The following DHRS12 variants were observed in gnomAD, a reference collection of about 807,000 sequenced individuals.
DHRS12 encodes dehydrogenase/reductase 12.
DHRS12 carries 29 observed loss-of-function variants against 32.1 expected under a neutral mutation model. That is an observed-to-expected ratio of 0.90 (90% CI 0.67 to 1.23). The LOEUF is 1.23. Among genes scored for constraint, DHRS12 ranks in the 50% most tolerant of loss-of-function variants. The pLI is 0.00. For synonymous variants in DHRS12, 150 were observed against 135.9 expected, an observed-to-expected ratio of 1.10 and a Z score of -0.72; for missense variants, 330 against 337.2, an observed-to-expected ratio of 0.98 and a Z score of 0.17.
intron 7 of DHRS12, chr13:51,771,224 T>G (rs1392888306): frequency 2.6e-6 from 4 of 1,551,550 alleles, no homozygotes; most frequent in East Asian, 2.4e-5. Flanking sequence ...GTGTGTGCTG[T>G]GGCTGCTGCT....
rs201700397 is a variant in DHRS12 at position 51,769,363 on chromosome 13, T to A, written c.560-70A>T. ...CAAATGTGGTTGACTTCCCTTAATT[T>A]AAAAAAAAAAAAAAGTGCAAAAATG... On this transcript the variant is annotated intron_variant, in intron 7 of 8. Coordinates refer to ENST00000444610, the MANE Select transcript of DHRS12 (RefSeq NM_001377533.1). 1.2e-3 allele frequency: 1,183 copies of A among 1,013,542 alleles called. 2 individuals carry two copies. Among genetic ancestry groups the A allele is most frequent in the Non-Finnish European group, 1.4e-3 (1,008 of 746,372 alleles). 62.8% of individuals were successfully genotyped at this position (1,013,542 alleles called of 1,614,324 possible).
At chr13:51,796,858 A>G (rs1039819807) in intron 2 of DHRS12, among the ~76,000 whole-genome samples, 12 of 152,240 alleles carry the variant, frequency 7.9e-5, no homozygotes, top group Non-Finnish European at 1.8e-4. Context: ...ACCTGATGGC[A>G]TGAGACTGGG....
At chr13:51,790,161 C>A in intron 3 of DHRS12, 69 bp from the exon 4 acceptor site, 4 of 1,167,996 alleles carry the variant, frequency 3.4e-6, no homozygotes, top group Non-Finnish European at 4.8e-6. Context: ...CATCCCCACA[C>A]CTCCACTACC....
chr13:51,774,110 C>T, intron 5 of DHRS12, 76 bp from the exon 6 acceptor site: 2 of 1,393,012 alleles, frequency 1.4e-6, no homozygotes, highest in Non-Finnish European at 2.0e-6. Flanking sequence ...TAGAGCAGTG[C>T]TTCTTGCTGT....
chr13:51,796,558 T>C (rs868091276), intron 2 of DHRS12, among the ~76,000 whole-genome samples: 12 of 152,182 alleles, frequency 7.9e-5, no homozygotes, highest in South Asian at 2.1e-4. Flanking sequence ...TGGAATTAGA[T>C]ATAAGCCAAA....
chr13:51,797,706 C>T, intron 2 of DHRS12: 1 of 1,059,600 alleles, frequency 9.4e-7, no homozygotes, highest in Non-Finnish European at 1.3e-6. Flanking sequence ...AGGCTGCTTC[C>T]AAAGCAGAAG....
intron 1 of DHRS12, chr13:51,803,759 C>T (rs774453145): frequency 3.6e-6 from 1 of 278,332 alleles, no homozygotes; most frequent in Non-Finnish European, 6.7e-6. Context: ...CCAAGAGGCT[C>T]CTTGGCGCCG....
At chr13:51,774,193 C>T in intron 5 of DHRS12, 159 bp from the exon 6 acceptor site, 1 of 612,330 alleles carries the variant, frequency 1.6e-6, no homozygotes, top group South Asian at 1.9e-5. Context: ...TCCTACAGTA[C>T]ATGTATTCTC....
chr13:51,773,516 G>C (rs1226922647), intron 6 of DHRS12, among the ~76,000 whole-genome samples: 2 of 152,090 alleles, frequency 1.3e-5, no homozygotes, highest in African/African-American at 4.8e-5. Context: ...CAAGGGTTCT[G>C]GACTGTGGCC....
Position 51,768,556 on chromosome 13 carries a change from G to A in DHRS12, c.698-260C>T. 3.7e-6 allele frequency: 5 copies of A among 1,343,130 alleles called. No individual in the cohort carries two copies. In the South Asian group the frequency reaches 8.8e-5, roughly 24 times the overall value. 83.2% of individuals were successfully genotyped at this position (1,343,130 alleles called of 1,614,324 possible). A position where few individuals can be genotyped will look rare whatever the true frequency, so the allele number is the denominator to read the frequency against. On this transcript the variant is annotated intron_variant, in intron 8 of 8. Coordinates refer to ENST00000444610, the MANE Select transcript of DHRS12 (RefSeq NM_001377533.1). ...TTGGGTGATCAGCAGGAAGGGGTGC[G>A]GCCATCCTCCCGGATACCCCAGGGG...
In DHRS12 at chr13:51,797,759, G is replaced by A. The variant is rs1353697510; in HGVS notation, c.126+1775C>T. 5.4e-6 allele frequency: 8 copies of A among 1,480,724 alleles called. No individual in the cohort carries two copies. In the African/African-American group the frequency reaches 9.7e-5, roughly 18 times the overall value. The allele number at this position is 1,480,724 out of a possible 1,614,324, so 91.7% of individuals were successfully genotyped here. On this transcript the variant is annotated intron_variant, in intron 2 of 8. Coordinates refer to ENST00000444610, the MANE Select transcript of DHRS12 (RefSeq NM_001377533.1). ...TTCAACCCAGGGAAAGCGGGTAGGA[G>A]TCCAGCCTCCTCACAGCTGACCATG... is the stretch of plus-strand genomic sequence containing the variant.
intron 5 of DHRS12, 43 bp from the exon 6 acceptor site, chr13:51,774,077 C>T: frequency 1.3e-6 from 2 of 1,577,636 alleles, no homozygotes; most frequent in Non-Finnish European, 1.7e-6. Context: ...AAGCCTGTGA[C>T]CCCTTCCACT....
intron 8 of DHRS12, chr13:51,768,719 T>G: frequency 8.9e-7 from 1 of 1,124,922 alleles, no homozygotes; most frequent in Non-Finnish European, 1.1e-6. Flanking sequence ...GCCTGCCCCC[T>G]TAGGAGCCCA....
chr13:51,771,389 T>C (rs1954005834), intron 7 of DHRS12: 5 of 1,613,998 alleles, frequency 3.1e-6, no homozygotes, highest in East Asian at 4.5e-5. Context: ...AGCTGTGTCC[T>C]TGTGGCTGGC....
chr13:51,771,762 C>T (rs1954028311), intron 7 of DHRS12, 59 bp downstream of exon 7: 2 of 1,580,802 alleles, frequency 1.3e-6, no homozygotes, highest in Non-Finnish European at 1.7e-6. Context: ...AATCCTGCGG[C>T]TGCTCAGGTA....
chr13:51,779,947 C>T (rs1338351787), intron 4 of DHRS12, among the ~76,000 whole-genome samples: 2 of 152,004 alleles, frequency 1.3e-5, no homozygotes, highest in East Asian at 1.9e-4. Context: ...GAGGCCGAGG[C>T]GGGCGGATCA....
intron 1 of DHRS12, among the ~76,000 whole-genome samples, chr13:51,802,260 C>T (rs890460179): frequency 6.6e-6 from 1 of 152,016 alleles, no homozygotes; most frequent in Non-Finnish European, 1.5e-5. Flanking sequence ...TCTTCTTCAA[C>T]ACCCAGCCTC....
At chr13:51,776,813 T>C (rs566747204) in intron 5 of DHRS12, among the ~76,000 whole-genome samples, 78 of 152,044 alleles carry the variant, frequency 5.1e-4, no homozygotes, top group South Asian at 1.9e-3. Flanking sequence ...TCCCCAGTGC[T>C]TTGCCGACAC....
chr13:51,776,035 T>C (rs76830469), intron 5 of DHRS12: 6 of 115,694 alleles, frequency 5.2e-5, no homozygotes, highest in Non-Finnish European at 1.1e-4. Context: ...CCTACATGTA[T>C]TCTACAGTAT....
Sources: allele counts gnomAD v4.1 joint callset (sites outside exome capture counted in the v4.1 genomes callset), GRCh38; gene constraint gnomAD v4.1.1; transcripts MANE v1.5; gene names NCBI Gene and HGNC (gene_info 2026-07-23, HGNC 2026-07-21).